Variants in SHOC2 observed in about 807,000 individuals in gnomAD.
The protein encoded by SHOC2 is leucine-rich repeat protein SHOC-2.
SHOC2 carries 4 observed loss-of-function variants against 50.2 expected under a neutral mutation model. That is an observed-to-expected ratio of 0.08 (90% CI 0.04 to 0.18). The LOEUF (loss-of-function observed/expected upper bound fraction) is 0.18, where lower values mean the gene tolerates loss of function less well. Ranked by LOEUF, SHOC2 falls within the 10% of genes least tolerant of loss-of-function variation. The pLI is 1.00. For synonymous variants in SHOC2, 218 were observed against 244.5 expected (o/e 0.89, Z 1.01); for missense variants, 388 against 669.6 (o/e 0.58, Z 4.64).
At chr10:110,921,394 A>C (rs765264566) in intron 1 of SHOC2, among the ~76,000 whole-genome samples, 15 of 152,224 alleles carry the variant, frequency 9.9e-5, no homozygotes, top group Non-Finnish European at 2.2e-4. Flanking sequence ...AAACTGAATA[A>C]AAGTTTTGTC....
At chr10:110,980,931 A>G (rs1372576499) in intron 2 of SHOC2, among the ~76,000 whole-genome samples, 2 of 152,112 alleles carry the variant, frequency 1.3e-5, no homozygotes, top group Non-Finnish European at 2.9e-5. Flanking sequence ...CATGCACACT[A>G]CAGTGTAAGT....
At chr10:110,919,585 C>A (rs891489110), upstream of SHOC2, 6 of 392,790 alleles carry the variant, frequency 1.5e-5, no homozygotes, top group Non-Finnish European at 2.2e-5. Context: ...TGGGCAGCGT[C>A]GCTTCTTAGG....
chr10:110,951,352 A>G (rs1847347898), intron 1 of SHOC2, among the ~76,000 whole-genome samples: 1 of 152,176 alleles, frequency 6.6e-6, no homozygotes, highest in African/African-American at 2.4e-5. Flanking sequence ...GTTAGATGTC[A>G]CCTCATACCT....
At chr10:110,969,577 A>G (rs910584540) in intron 2 of SHOC2, among the ~76,000 whole-genome samples, 1 of 152,064 alleles carries the variant, frequency 6.6e-6, no homozygotes, top group Non-Finnish European at 1.5e-5. Context: ...TTCATTTTGT[A>G]TTTTGCTAAT....
At chr10:110,997,703 C>T (rs1056719347) in intron 3 of SHOC2, among the ~76,000 whole-genome samples, 1 of 152,076 alleles carries the variant, frequency 6.6e-6, no homozygotes, top group African/African-American at 2.4e-5. Flanking sequence ...ATCTTACGCA[C>T]GTTATATCTA....
chr10:110,920,925 G>GT (rs1846631056), intron 1 of SHOC2, among the ~76,000 whole-genome samples: 35 of 152,322 alleles, frequency 2.3e-4, no homozygotes, highest in Middle Eastern at 6.8e-3. Flanking sequence ...TTCTACTCAA[G>GT]AGGGACTACT....
chr10:110,934,717 C>T (rs926096166), intron 1 of SHOC2, among the ~76,000 whole-genome samples: 27 of 152,038 alleles, frequency 1.8e-4, no homozygotes, highest in Non-Finnish European at 1.8e-4. Flanking sequence ...CATACATTTA[C>T]CTCTGATAAT....
rs1174166137 is a variant in SHOC2 at position 111,012,001 on chromosome 10, TTA to T, written c.*188_*189del. 1.7e-6 allele frequency: 1 copy of T among 598,688 alleles called. No individual in the cohort carries two copies. The highest frequency in any genetic ancestry group is 2.9e-6 in the Non-Finnish European group (1 of 341,586). The allele number at this position is 598,688 out of a possible 1,614,324, so 37.1% of individuals were successfully genotyped here. A position where few individuals can be genotyped will look rare whatever the true frequency, so the allele number is the denominator to read the frequency against. On this transcript the variant is annotated 3_prime_UTR_variant, in exon 9 of 9. Coordinates refer to ENST00000369452, the MANE Select transcript of SHOC2 (RefSeq NM_007373.4). ...TTTTTTTAAATTCTGTACAAAAGGCTTATATAAGTTTTCTTTGCTGAATTTGA... is the reference window on the plus strand; with the variant it reads ...TTTTTTTAAATTCTGTACAAAAGGCTTATAAGTTTTCTTTGCTGAATTTGA...
chr10:110,981,176 G>T (rs1048878974), intron 2 of SHOC2, among the ~76,000 whole-genome samples: 4 of 152,176 alleles, frequency 2.6e-5, no homozygotes, highest in African/African-American at 7.2e-5. Context: ...AGCAGTGAAG[G>T]ACCTATTTGG....
chr10:110,997,538 C>T (rs1022407051), intron 3 of SHOC2, among the ~76,000 whole-genome samples: 8 of 152,034 alleles, frequency 5.3e-5, no homozygotes, highest in Admixed American at 3.9e-4. Flanking sequence ...CTTTTTCCCC[C>T]CCAACTTAAC....
intron 2 of SHOC2, among the ~76,000 whole-genome samples, chr10:110,975,775 C>T (rs2134135553): frequency 6.6e-6 from 1 of 152,290 alleles, no homozygotes; most frequent in Non-Finnish European, 1.5e-5. Context: ...ACAGCTTCTG[C>T]TGTGCTTCTC....
intron 1 of SHOC2, chr10:110,937,281 C>G (rs984314579): frequency 2.0e-5 from 15 of 764,810 alleles, no homozygotes; most frequent in African/African-American, 1.7e-4. Flanking sequence ...TTGGTCCAAT[C>G]CTGACTCTGT....
intron 1 of SHOC2, among the ~76,000 whole-genome samples, chr10:110,929,211 C>G (rs763957476): frequency 1.3e-5 from 2 of 152,164 alleles, no homozygotes; most frequent in African/African-American, 2.4e-5. Flanking sequence ...AAAAATTGTT[C>G]ATTAGCACAT....
At chr10:110,959,780 C>T (rs1383798207) in intron 1 of SHOC2, among the ~76,000 whole-genome samples, 5 of 152,184 alleles carry the variant, frequency 3.3e-5, no homozygotes, top group East Asian at 3.8e-4. Flanking sequence ...TGATTAAACA[C>T]GAAATTATTA....
chr10:111,012,891 C>A lies in SHOC2; in HGVS notation c.*1073C>A, dbSNP rs1848593436. 6.6e-6 allele frequency: 1 copy of A among 152,636 alleles called. No homozygotes were observed. The highest frequency in any genetic ancestry group is 1.5e-5 in the Non-Finnish European group (1 of 68,026). The allele number at this position is 152,636 out of a possible 1,614,324, so 9.5% of individuals were successfully genotyped here. A position where few individuals can be genotyped will look rare whatever the true frequency, so the allele number is the denominator to read the frequency against. On this transcript the variant is annotated 3_prime_UTR_variant, in exon 9 of 9. Transcript: ENST00000369452. Reference sequence around the variant, plus strand: ...TTATATCTTGACTTGCCTTGTACATCTTTCAATTCTGGAATATCTGTGTCT... The same window carrying A: ...TTATATCTTGACTTGCCTTGTACATATTTCAATTCTGGAATATCTGTGTCT...
Position 110,964,928 on chromosome 10 carries a change from G to C in SHOC2, c.570G>C (p.Arg190Ser). 1 of 1,613,676 alleles carries C rather than the reference G, an allele frequency of 6.2e-7. No individual in the cohort carries two copies. The highest frequency in any genetic ancestry group is 8.5e-7 in the Non-Finnish European group (1 of 1,179,902). Residue 190 changes from arginine to serine, a missense_variant, in exon 2 of 9, where the codon AGG (arginine) becomes AGC (serine). Transcript: ENST00000369452. This position sits in a 1 kb window ranked among gnomAD's most constrained non-coding sequence, Gnocchi z 4.9. Reference protein sequence around the residue: ...KLREIPSVVYRLDSLTTLYLR... With the variant: ...KLREIPSVVYSLDSLTTLYLR... ...GAGAAATTCCTTCAGTGGTGTATAG[G>C]CTGGATTCTCTCACCACTCTTTACC... is the stretch of plus-strand genomic sequence containing the variant.
intron 3 of SHOC2, among the ~76,000 whole-genome samples, chr10:110,987,559 G>T (rs1848102782): frequency 6.6e-6 from 1 of 152,114 alleles, no homozygotes; most frequent in African/African-American, 2.4e-5. Flanking sequence ...AACACATAAT[G>T]AATTATTCTA....
At chr10:110,923,162 G>A (rs1348865405) in intron 1 of SHOC2, among the ~76,000 whole-genome samples, 1 of 151,674 alleles carries the variant, frequency 6.6e-6, no homozygotes, top group Non-Finnish European at 1.5e-5. Context: ...GATCTTTTTT[G>A]AAATATTTTC....
intron 1 of SHOC2, among the ~76,000 whole-genome samples, chr10:110,929,286 A>G (rs1377504134): frequency 6.6e-6 from 1 of 152,222 alleles, no homozygotes; most frequent in Non-Finnish European, 1.5e-5. Flanking sequence ...GTTGCTTCCA[A>G]GAGCAACTAA....
Sources: allele counts gnomAD v4.1 joint callset (sites outside exome capture counted in the v4.1 genomes callset), GRCh38; gene constraint gnomAD v4.1.1; non-coding constraint Gnocchi (gnomAD v3.1); transcripts MANE v1.5; gene names NCBI Gene and HGNC (gene_info 2026-07-23, HGNC 2026-07-21).